ADCY2: variants seen among roughly 807,000 people sequenced by gnomAD.
ADCY2 encodes adenylate cyclase 2.
A neutral mutation model predicts 125.2 loss-of-function variants in ADCY2; 31 were observed. The observed-to-expected ratio is 0.25, with a 90% confidence interval of 0.19 to 0.33. The LOEUF (loss-of-function observed/expected upper bound fraction) is 0.33, where lower values mean the gene tolerates loss of function less well. Among genes scored for constraint, ADCY2 ranks in the 10% least tolerant of loss-of-function variants. The probability of loss-of-function intolerance (pLI) is 1.00; values close to 1 mark genes in which losing one functional copy is unlikely to be tolerated. For missense variants in ADCY2, 904 were observed against 1,418.2 expected (o/e 0.64, Z 5.82); for synonymous variants, 512 against 548.4 (o/e 0.93, Z 0.93).
At chr5:7,503,697 G>A (rs534265251) in intron 2 of ADCY2, among the ~76,000 whole-genome samples, 114 of 152,324 alleles carry the variant, frequency 7.5e-4, no homozygotes, top group African/African-American at 2.6e-3. Flanking sequence ...ACATAGAGAG[G>A]AAGAAAGCAT....
chr5:7,492,751 T>C (rs1395687847), intron 2 of ADCY2, among the ~76,000 whole-genome samples: 1 of 152,108 alleles, frequency 6.6e-6, no homozygotes, highest in Non-Finnish European at 1.5e-5. Context: ...CGGAGTGGCT[T>C]GCAGAGTCCA....
At chr5:7,525,368 A>G (rs969557645) in intron 3 of ADCY2, among the ~76,000 whole-genome samples, 2 of 152,152 alleles carry the variant, frequency 1.3e-5, no homozygotes, top group African/African-American at 2.4e-5. Flanking sequence ...CGCCTCTTCA[A>G]GCTGGCCTCT....
At chr5:7,808,190 T>A (rs1744814705) in intron 22 of ADCY2, among the ~76,000 whole-genome samples, 1 of 152,202 alleles carries the variant, frequency 6.6e-6, no homozygotes, top group Non-Finnish European at 1.5e-5. Context: ...CAGATCTTAT[T>A]TCCTTTCTTC....
chr5:7,763,046 G>GTTTTT (rs1156260574), intron 16 of ADCY2, among the ~76,000 whole-genome samples: 6 of 127,674 alleles, frequency 4.7e-5, no homozygotes, highest in African/African-American at 1.6e-4. Flanking sequence ...CATTTTCTTT[G>GTTTTT]TTTTTTTTGT....
intron 3 of ADCY2, among the ~76,000 whole-genome samples, chr5:7,535,123 C>T (rs1005671127): frequency 1.3e-5 from 2 of 152,174 alleles, no homozygotes; most frequent in African/African-American, 4.8e-5. Flanking sequence ...TCACCGCAAC[C>T]TCCGCCTCTC....
chr5:7,558,477 A>G lies in ADCY2; in HGVS notation c.570+37578A>G, dbSNP rs981879087. ...TATTATATGATTGTTGGCTGCATGT[A>G]TATCTTCTTTCGAAAAGGGTATGTT... is the stretch of plus-strand genomic sequence containing the variant. On this transcript the variant is annotated intron_variant, in intron 3 of 24. Transcript: ENST00000338316. 2.6e-5 allele frequency among the ~76,000 whole-genome samples: 4 copies of G among 152,108 alleles called. No homozygotes were observed. In the South Asian group the frequency reaches 8.3e-4, roughly 32 times the overall value.
At chr5:7,432,005 C>G (rs1013969543) in intron 2 of ADCY2, among the ~76,000 whole-genome samples, 1 of 151,946 alleles carries the variant, frequency 6.6e-6, no homozygotes, top group Non-Finnish European at 1.5e-5. Context: ...TATCCTGTGC[C>G]CCTAAAAACC....
chr5:7,536,550 G>T (rs1017091916), intron 3 of ADCY2, among the ~76,000 whole-genome samples: 2 of 152,092 alleles, frequency 1.3e-5, no homozygotes, highest in Non-Finnish European at 2.9e-5. Context: ...TTAGGAACTG[G>T]GATCTTACCC....
chr5:7,452,872 A>G (rs961943934), intron 2 of ADCY2, among the ~76,000 whole-genome samples: 1 of 151,986 alleles, frequency 6.6e-6, no homozygotes, highest in Non-Finnish European at 1.5e-5. Context: ...CATTTTTTTC[A>G]TATGTTTGTT....
chr5:7,411,661 AAAAG>A (rs1236518268), intron 1 of ADCY2, among the ~76,000 whole-genome samples: 1 of 152,192 alleles, frequency 6.6e-6, no homozygotes, highest in Non-Finnish European at 1.5e-5. Flanking sequence ...TGATTTTTAA[AAAAG>A]AGAGAGAAAA....
At chr5:7,466,547 A>G (rs183919579) in intron 2 of ADCY2, among the ~76,000 whole-genome samples, 1 of 152,338 alleles carries the variant, frequency 6.6e-6, no homozygotes, top group East Asian at 1.9e-4. Flanking sequence ...GGCCAGCTCC[A>G]GAGCCTCTGT....
At chr5:7,586,485 C>T (rs1433803199) in intron 3 of ADCY2, among the ~76,000 whole-genome samples, 1 of 152,204 alleles carries the variant, frequency 6.6e-6, no homozygotes, top group Non-Finnish European at 1.5e-5. Context: ...CCAAACTATT[C>T]TGTGTCAATT....
intron 22 of ADCY2, among the ~76,000 whole-genome samples, chr5:7,814,313 T>C (rs1745035817): frequency 6.6e-6 from 1 of 152,164 alleles, no homozygotes; most frequent in Non-Finnish European, 1.5e-5. Flanking sequence ...GTGCAGTGAT[T>C]CTCAACTGGG....
intron 2 of ADCY2, among the ~76,000 whole-genome samples, chr5:7,494,479 C>T (rs1479617717): frequency 6.6e-6 from 1 of 152,110 alleles, no homozygotes; most frequent in East Asian, 1.9e-4. Flanking sequence ...GGACATTGTG[C>T]TTCTTGTAGT....
At chr5:7,765,930 C>A (rs554323463) in intron 16 of ADCY2, among the ~76,000 whole-genome samples, 1 of 151,524 alleles carries the variant, frequency 6.6e-6, no homozygotes, top group African/African-American at 2.4e-5. Flanking sequence ...GGACAGACAG[C>A]GAGCGAGCGA....
At chr5:7,511,179 T>C (rs1387680797) in intron 2 of ADCY2, among the ~76,000 whole-genome samples, 1 of 152,128 alleles carries the variant, frequency 6.6e-6, no homozygotes, top group Non-Finnish European at 1.5e-5. Context: ...CTTGTCCCCA[T>C]AGAGCCTGCA....
At chr5:7,402,395 CTT>C (rs1452253430) in intron 1 of ADCY2, among the ~76,000 whole-genome samples, 1 of 152,182 alleles carries the variant, frequency 6.6e-6, no homozygotes, top group East Asian at 1.9e-4. Flanking sequence ...TAGGAGAAGA[CTT>C]TGTTTGTTCA....
chr5:7,533,682 G>C (rs936466874), intron 3 of ADCY2, among the ~76,000 whole-genome samples: 1 of 152,020 alleles, frequency 6.6e-6, no homozygotes, highest in Non-Finnish European at 1.5e-5. Flanking sequence ...TAATTTGGTT[G>C]GGATTTACTT....
At chr5:7,621,850 A>C (rs1341788097) in intron 3 of ADCY2, among the ~76,000 whole-genome samples, 1 of 152,196 alleles carries the variant, frequency 6.6e-6, no homozygotes, top group Non-Finnish European at 1.5e-5. Flanking sequence ...ATGGACAGCA[A>C]GCCTCTGTGA....
Sources: allele counts gnomAD v4.1 joint callset (sites outside exome capture counted in the v4.1 genomes callset), GRCh38; gene constraint gnomAD v4.1.1; transcripts MANE v1.5; gene names NCBI Gene and HGNC (gene_info 2026-07-23, HGNC 2026-07-21).